The following CACNB2 variants were observed in gnomAD, a reference collection of about 807,000 sequenced individuals.
The protein encoded by CACNB2 is calcium voltage-gated channel auxiliary subunit beta 2.
Under a neutral mutation model 73.3 loss-of-function variants are expected in CACNB2, and 42 were observed. The ratio of observed to expected loss-of-function variants is 0.57; its 90% confidence interval spans 0.45 to 0.74. The LOEUF is 0.74. CACNB2 is among the 30% of genes least tolerant of loss of function. The pLI, the probability that CACNB2 is intolerant of heterozygous loss-of-function variation, is 0.00. For missense variants in CACNB2, 940 were observed against 853.0 expected, an observed-to-expected ratio of 1.10 and a Z score of -1.27; for synonymous variants, 348 against 310.3, an observed-to-expected ratio of 1.12 and a Z score of -1.28.
chr10:18,356,174 T>G (rs2041901472), intron 2 of CACNB2, among the ~76,000 whole-genome samples: 1 of 152,158 alleles, frequency 6.6e-6, no homozygotes, highest in South Asian at 2.1e-4. Flanking sequence ...CCCATCTTGA[T>G]TCCTTCAAGG....
At chr10:18,274,989 G>A (rs1055642052) in intron 2 of CACNB2, among the ~76,000 whole-genome samples, 6 of 152,154 alleles carry the variant, frequency 3.9e-5, no homozygotes, top group Non-Finnish European at 8.8e-5. Flanking sequence ...TCTTTTAAAA[G>A]ACACTGATTT....
At position 18,338,893 on chromosome 10, in the gene CACNB2, C is replaced by T. The variant is rs12259560; in HGVS notation, c.214-63031C>T. Reference sequence around the variant, plus strand: ...AGCTGGGACCACAGGCACATGCCACCATGCCTAGCTAATTTTTAAATTTTT... The same window carrying T: ...AGCTGGGACCACAGGCACATGCCACTATGCCTAGCTAATTTTTAAATTTTT... On this transcript the variant is annotated intron_variant, in intron 2 of 13. Coordinates refer to ENST00000324631, the MANE Select transcript of CACNB2 (RefSeq NM_201596.3). Among the ~76,000 whole-genome samples the T allele has an allele frequency of 8.1e-3, 1,228 of 152,028 alleles. 21 individuals are homozygous for T. Among genetic ancestry groups the T allele is most frequent in the African/African-American group, 0.028 (1,159 of 41,472 alleles).
intron 9 of CACNB2, chr10:18,519,747 G>A (rs756148038): frequency 5.0e-5 from 23 of 455,490 alleles, no homozygotes; most frequent in Non-Finnish European, 9.3e-5. Context: ...GAGTGTACTG[G>A]CTTTCCTTCC....
chr10:18,203,646 T>G (rs368378483), intron 2 of CACNB2, among the ~76,000 whole-genome samples: 1 of 152,084 alleles, frequency 6.6e-6, no homozygotes, highest in Non-Finnish European at 1.5e-5. Flanking sequence ...GGGCGAGTGA[T>G]CGTTGATTAT....
intron 2 of CACNB2, among the ~76,000 whole-genome samples, chr10:18,165,506 A>G (rs1213830232): frequency 6.6e-6 from 1 of 152,234 alleles, no homozygotes; most frequent in South Asian, 2.1e-4. Flanking sequence ...TCCGCCTCCC[A>G]GGTTCAGGCG....
chr10:18,146,471 A>G (rs940182058), intron 1 of CACNB2, among the ~76,000 whole-genome samples: 1 of 139,728 alleles, frequency 7.2e-6, no homozygotes. Context: ...CACCACGGCC[A>G]GCTAATTTTT....
intron 2 of CACNB2, among the ~76,000 whole-genome samples, chr10:18,301,488 A>G (rs1024377156): frequency 3.3e-5 from 5 of 151,930 alleles, no homozygotes; most frequent in Non-Finnish European, 7.4e-5. Context: ...CCAGCTACTC[A>G]GGAGGCTGAG....
chr10:18,466,511 C>T (rs901090074), intron 3 of CACNB2, among the ~76,000 whole-genome samples: 1 of 152,072 alleles, frequency 6.6e-6, no homozygotes. Context: ...ACCTGTATTT[C>T]TCATCAGCTT....
intron 2 of CACNB2, among the ~76,000 whole-genome samples, chr10:18,348,175 C>T (rs1190400442): frequency 1.3e-5 from 2 of 152,156 alleles, no homozygotes; most frequent in Non-Finnish European, 2.9e-5. Context: ...AAGATAAAAA[C>T]ACGTTTGCAA....
intron 2 of CACNB2, among the ~76,000 whole-genome samples, chr10:18,242,834 A>T (rs2036708912): frequency 6.6e-6 from 1 of 151,108 alleles, no homozygotes; most frequent in Non-Finnish European, 1.5e-5. Context: ...AATGCAAAAA[A>T]AAAAAAACCA....
intron 2 of CACNB2, among the ~76,000 whole-genome samples, chr10:18,335,643 C>T (rs2040972029): frequency 6.6e-6 from 1 of 152,010 alleles, no homozygotes; most frequent in Non-Finnish European, 1.5e-5. Context: ...CTCAATTATT[C>T]TTTTTTCTGG....
intron 6 of CACNB2, among the ~76,000 whole-genome samples, chr10:18,511,094 C>T (rs1015640252): frequency 6.6e-6 from 1 of 151,984 alleles, no homozygotes; most frequent in Admixed American, 6.6e-5. Flanking sequence ...AAGCCCTAGG[C>T]ACATTTTATG....
chr10:18,432,593 G>A (rs2045941910), intron 3 of CACNB2, among the ~76,000 whole-genome samples: 1 of 152,160 alleles, frequency 6.6e-6, no homozygotes, highest in African/African-American at 2.4e-5. Flanking sequence ...AGCACTTTGG[G>A]AGGCCAGAGG....
In CACNB2 at chr10:18,539,678, G is replaced by C. The variant is rs374454040; in HGVS notation, c.1937G>C (p.Arg646Pro). 6.2e-7 allele frequency: 1 copy of C among 1,612,994 alleles called. No individual in the cohort carries two copies. The highest frequency in any genetic ancestry group is 8.5e-7 in the Non-Finnish European group (1 of 1,179,802). Residue 646 changes from arginine to proline, a missense_variant, in exon 14 of 14, where the codon CGG becomes CCG. Physicochemically the swap from Arg to Pro is moderately radical, Grantham distance 103. Coordinates refer to ENST00000324631, the MANE Select transcript of CACNB2 (RefSeq NM_201596.3). Reference sequence around the variant, plus strand: ...GATGGAGAAGTGATATCAAAAAAACGGAATGAGGCTGGGGAGTGGAACAGG... The same window carrying C: ...GATGGAGAAGTGATATCAAAAAAACCGAATGAGGCTGGGGAGTGGAACAGG... ...EKDGEVISKK[R>P]NEAGEWNRDV...
At chr10:18,264,738 G>T (rs1457216162) in intron 2 of CACNB2, among the ~76,000 whole-genome samples, 1 of 152,190 alleles carries the variant, frequency 6.6e-6, no homozygotes, top group Non-Finnish European at 1.5e-5. Context: ...ATTCCATTGT[G>T]TGGCTCTGTG....
chr10:18,314,545 T>C lies in CACNB2; in HGVS notation c.214-87379T>C, dbSNP rs151335002. On this transcript the variant is annotated intron_variant, in intron 2 of 13. Transcript: ENST00000324631. The stretch of plus-strand genomic sequence containing the variant: ...TAGAAGGGGAAACATATTCAGACAA[T>C]TGAAATTCCACAGTTCATCTTCCCA... 1.2e-4 allele frequency among the ~76,000 whole-genome samples: 18 copies of C among 152,112 alleles called. No homozygotes were observed. In the East Asian group the frequency reaches 3.5e-3, roughly 29 times the overall value.
intron 2 of CACNB2, among the ~76,000 whole-genome samples, chr10:18,179,988 A>G (rs2033792544): frequency 6.6e-6 from 1 of 152,138 alleles, no homozygotes; most frequent in Admixed American, 6.5e-5. Context: ...CTGTGCTTAT[A>G]TGCACTAGTT....
At chr10:18,536,298 C>CCCATGTTGGGAGTGCAGTGGTATGGTCTT (rs2053596150) in intron 12 of CACNB2, 102 bp downstream of exon 12, 2 of 618,750 alleles carry the variant, frequency 3.2e-6, no homozygotes, top group South Asian at 3.8e-5. Context: ...TGCTCTGTTG[C>CCCATGTTGGGAGTGCAGTGGTATGGTCTT]CCATGTTGGG....
chr10:18,174,824 C>T lies in CACNB2; in HGVS notation c.213+23849C>T, dbSNP rs141775864. ...TCAAATTTAAATACAATTCAGATTT[C>T]TAGAGTATTACCTTTACAGTTTTCC... On this transcript the variant is annotated intron_variant, in intron 2 of 13. Coordinates refer to ENST00000324631, the MANE Select transcript of CACNB2 (RefSeq NM_201596.3). 4.7e-3 allele frequency among the ~76,000 whole-genome samples: 711 copies of T among 152,184 alleles called. 6 individuals carry two copies. The highest frequency in any genetic ancestry group is 9.0e-3 in the Admixed American group (138 of 15,290).
Sources: allele counts gnomAD v4.1 joint callset (sites outside exome capture counted in the v4.1 genomes callset), GRCh38; gene constraint gnomAD v4.1.1; transcripts MANE v1.5; gene names NCBI Gene and HGNC (gene_info 2026-07-23, HGNC 2026-07-21).